Variants in SLC35D4 observed in about 807,000 individuals in gnomAD.
SLC35D4 encodes the protein UDP-N-acetylglucosamine transporter SLC35D4.
At chr18:23,392,804 T>C in the SLC35D4 span, among the ~76,000 whole-genome samples, 1 of 152,194 alleles carries the variant, frequency 6.6e-6, no homozygotes. Context: ...TAAATATGCA[T>C]ATCCCACAGG....
the SLC35D4 span, chr18:23,331,259 T>G: frequency 6.6e-6 from 1 of 152,274 alleles, no homozygotes; most frequent in Non-Finnish European, 1.5e-5. Context: ...GCTCACCTTC[T>G]TTACCTTGGC....
chr18:23,297,762 C>T, the SLC35D4 span: 8 of 457,514 alleles, frequency 1.7e-5, no homozygotes, highest in African/African-American at 8.0e-5. Context: ...TGTAACAGAC[C>T]GCTCCTCTGC....
chr18:23,307,197 G>A, the SLC35D4 span, among the ~76,000 whole-genome samples: 1 of 152,176 alleles, frequency 6.6e-6, no homozygotes, highest in Non-Finnish European at 1.5e-5. Flanking sequence ...AGCGACTTTC[G>A]CTTTTTACTT....
chr18:23,385,777 C>T, the SLC35D4 span, among the ~76,000 whole-genome samples: 2 of 152,128 alleles, frequency 1.3e-5, no homozygotes, highest in Middle Eastern at 3.4e-3. Flanking sequence ...ACTTGGGCTG[C>T]AGGGTGGAAG....
the SLC35D4 span, chr18:23,430,814 A>G: frequency 1.8e-4 from 139 of 770,054 alleles, no homozygotes; most frequent in East Asian, 3.3e-3. Context: ...CATTATTCCC[A>G]CCAAAATCAC....
chr18:23,345,481 CA>C, the SLC35D4 span, among the ~76,000 whole-genome samples: 1,790 of 57,054 alleles, frequency 0.031, 10 homozygotes, highest in African/African-American at 0.11. Context: ...GACTCCATCT[CA>C]AAAAAAAAAA....
At chr18:23,433,340 T>C in the SLC35D4 span, among the ~76,000 whole-genome samples, 1 of 152,192 alleles carries the variant, frequency 6.6e-6, no homozygotes, top group African/African-American at 2.4e-5. Context: ...CTTTTTTCAG[T>C]GAATTGTCTA....
the SLC35D4 span, chr18:23,352,394 A>C: frequency 1.2e-6 from 1 of 806,024 alleles, no homozygotes; most frequent in Non-Finnish European, 1.9e-6. Context: ...TTATTATGCA[A>C]CCTCTACCTC....
At chr18:23,317,202 A>G in the SLC35D4 span, among the ~76,000 whole-genome samples, 11 of 152,224 alleles carry the variant, frequency 7.2e-5, no homozygotes, top group Admixed American at 1.3e-4. Flanking sequence ...ATCCTGTTCC[A>G]TATCAACCAA....
At chr18:23,328,725 C>T in the SLC35D4 span, among the ~76,000 whole-genome samples, 2 of 152,128 alleles carry the variant, frequency 1.3e-5, no homozygotes, top group East Asian at 3.8e-4. Flanking sequence ...CATATGGAAT[C>T]AAAAAAGAGC....
At chr18:23,264,882 C>A in the SLC35D4 span, among the ~76,000 whole-genome samples, 1 of 150,272 alleles carries the variant, frequency 6.7e-6, no homozygotes, top group East Asian at 2.0e-4. Context: ...TGGGCTCAAG[C>A]GATCCTCCCA....
the SLC35D4 span, among the ~76,000 whole-genome samples, chr18:23,333,102 A>G: frequency 6.6e-6 from 1 of 152,348 alleles, no homozygotes; most frequent in African/African-American, 2.4e-5. Context: ...CCTTCATAAA[A>G]AGCATAAGTA....
the SLC35D4 span, among the ~76,000 whole-genome samples, chr18:23,378,418 G>A: frequency 6.6e-6 from 1 of 151,900 alleles, no homozygotes; most frequent in Non-Finnish European, 1.5e-5. Context: ...AAACTATCTG[G>A]TGTGATATGA....
At chr18:23,327,247 C>G in the SLC35D4 span, among the ~76,000 whole-genome samples, 4 of 152,034 alleles carry the variant, frequency 2.6e-5, no homozygotes, top group Admixed American at 2.6e-4. Flanking sequence ...TCAAAAAAAT[C>G]AATGAATCCA....
chr18:23,422,987 C>T, the SLC35D4 span, among the ~76,000 whole-genome samples: 1 of 152,226 alleles, frequency 6.6e-6, no homozygotes, highest in Non-Finnish European at 1.5e-5. Context: ...CACAACCCAC[C>T]CATGTGTTGC....
chr18:23,311,453 G>A, the SLC35D4 span, among the ~76,000 whole-genome samples: 2 of 151,388 alleles, frequency 1.3e-5, no homozygotes, highest in African/African-American at 4.8e-5. Context: ...GGTCATAAAT[G>A]AAGTGGACTA....
chr18:23,240,348 GC>G, the SLC35D4 span, among the ~76,000 whole-genome samples: 3 of 152,102 alleles, frequency 2.0e-5, no homozygotes, highest in Non-Finnish European at 4.4e-5. Context: ...AGAAGTCGTT[GC>G]CCTTCCCCCT....
the SLC35D4 span, chr18:23,365,717 AC>A: frequency 6.2e-7 from 1 of 1,602,128 alleles, no homozygotes; most frequent in Non-Finnish European, 8.5e-7. Context: ...GGCACCAAAA[AC>A]CCCAGCTGTT....
At chr18:23,430,514 T>C in the SLC35D4 span, 3 of 775,340 alleles carry the variant, frequency 3.9e-6, no homozygotes, top group Admixed American at 8.2e-5. Context: ...CGGCTAAATA[T>C]CTTACAATAT....
Sources: gnomAD v4.1 joint callset for allele counts (sites outside exome capture counted in the v4.1 genomes callset) on GRCh38, gnomAD v4.1.1 for gene constraint, MANE v1.5 for transcripts, NCBI Gene and HGNC (gene_info 2026-07-23, HGNC 2026-07-21) for gene names.